Variants in MGAT5 observed in about 807,000 individuals in gnomAD.
The protein encoded by MGAT5 is alpha-1,6-mannosylglycoprotein 6-beta-N-acetylglucosaminyltransferase.
A neutral mutation model predicts 94.3 loss-of-function variants in MGAT5; 30 were observed. The observed-to-expected ratio is 0.32, with a 90% CI of 0.24 to 0.43. The LOEUF (loss-of-function observed/expected upper bound fraction) is 0.43, where lower values mean the gene tolerates loss of function less well. Ranked by LOEUF, MGAT5 falls within the 20% of genes least tolerant of loss-of-function variation. The pLI is 1.00. For missense variants in MGAT5, 691 were observed against 905.5 expected (o/e 0.76, Z 3.04); for synonymous variants, 310 against 322.9 (o/e 0.96, Z 0.43).
intron 10 of MGAT5, among the ~76,000 whole-genome samples, chr2:134,387,756 CAA>C (rs1294850970): frequency 6.6e-6 from 1 of 151,776 alleles, no homozygotes; most frequent in Non-Finnish European, 1.5e-5. Flanking sequence ...TGAAGGGGAA[CAA>C]AAAAAGACAC....
At chr2:134,186,506 C>T (rs1220655178) in intron 1 of MGAT5, among the ~76,000 whole-genome samples, 1 of 152,016 alleles carries the variant, frequency 6.6e-6, no homozygotes, top group Non-Finnish European at 1.5e-5. Flanking sequence ...GGCCTTTTTG[C>T]ATACATGTTG....
At chr2:134,242,177 G>A (rs996793415) in intron 1 of MGAT5, among the ~76,000 whole-genome samples, 1 of 152,190 alleles carries the variant, frequency 6.6e-6, no homozygotes, top group Non-Finnish European at 1.5e-5. Context: ...TTTGAGCAGT[G>A]CAAGGTGTGT....
chr2:134,129,043 C>A (rs999665044), intron 1 of MGAT5, among the ~76,000 whole-genome samples: 1 of 152,222 alleles, frequency 6.6e-6, no homozygotes, highest in African/African-American at 2.4e-5. Context: ...GTAACAGCCA[C>A]AAACTTAGCA....
chr2:134,399,295 G>A (rs774553117), intron 10 of MGAT5, among the ~76,000 whole-genome samples: 4 of 152,172 alleles, frequency 2.6e-5, no homozygotes, highest in Admixed American at 1.3e-4. Context: ...GGAGTGTTGC[G>A]TAAATTGAAT....
chr2:134,442,873 A>G (rs1685563437), intron 15 of MGAT5, among the ~76,000 whole-genome samples: 1 of 152,086 alleles, frequency 6.6e-6, no homozygotes, highest in African/African-American at 2.4e-5. Flanking sequence ...CCTACAAATA[A>G]TAAGACCCTG....
At chr2:134,347,393 C>T (rs867228304) in intron 8 of MGAT5, among the ~76,000 whole-genome samples, 11 of 152,140 alleles carry the variant, frequency 7.2e-5, no homozygotes, top group East Asian at 3.9e-4. Context: ...GTGCAAAGTC[C>T]GGGCTTTCAG....
At chr2:134,408,768 A>G (rs1683483004) in intron 11 of MGAT5, among the ~76,000 whole-genome samples, 1 of 152,238 alleles carries the variant, frequency 6.6e-6, no homozygotes, top group Non-Finnish European at 1.5e-5. Flanking sequence ...GCTACATGAA[A>G]GCATCACATT....
chr2:134,231,417 T>C (rs919744350), intron 1 of MGAT5: 9 of 152,240 alleles, frequency 5.9e-5, no homozygotes, highest in Non-Finnish European at 1.2e-4. Flanking sequence ...AAAAAGGGTT[T>C]ATAACCTAGA....
intron 4 of MGAT5, among the ~76,000 whole-genome samples, chr2:134,325,939 G>A (rs1359223216): frequency 6.6e-6 from 1 of 151,950 alleles, no homozygotes; most frequent in Non-Finnish European, 1.5e-5. Flanking sequence ...TAGCTCTGAG[G>A]TTTGATCAGA....
chr2:134,332,821 A>C (rs1190783000), intron 4 of MGAT5, among the ~76,000 whole-genome samples: 1 of 152,224 alleles, frequency 6.6e-6, no homozygotes, highest in Non-Finnish European at 1.5e-5. Flanking sequence ...GCAGCCAAAA[A>C]ACACATGAAA....
At chr2:134,156,224 C>T (rs1423320518) in intron 1 of MGAT5, among the ~76,000 whole-genome samples, 2 of 152,110 alleles carry the variant, frequency 1.3e-5, no homozygotes, top group Admixed American at 6.6e-5. Flanking sequence ...GAGACCCTTC[C>T]GAATACATTT....
At chr2:134,420,812 T>C (rs774177097) in intron 12 of MGAT5, among the ~76,000 whole-genome samples, 37 of 152,182 alleles carry the variant, frequency 2.4e-4, no homozygotes, top group Non-Finnish European at 4.4e-4. Flanking sequence ...AATAATTCTC[T>C]AACAAATATA....
chr2:134,265,042 G>C (rs1468244242), intron 1 of MGAT5, among the ~76,000 whole-genome samples: 1 of 152,176 alleles, frequency 6.6e-6, no homozygotes, highest in East Asian at 1.9e-4. Flanking sequence ...TGCAGATCCG[G>C]ATTTAGTGTG....
intron 9 of MGAT5, among the ~76,000 whole-genome samples, chr2:134,352,151 AG>A (rs575798037): frequency 1.9e-3 from 294 of 152,282 alleles, no homozygotes; most frequent in African/African-American, 6.6e-3. Flanking sequence ...GTCAGGATCT[AG>A]CAAAACCGCC....
intron 2 of MGAT5, among the ~76,000 whole-genome samples, chr2:134,297,299 T>C (rs1318783995): frequency 6.6e-6 from 1 of 152,064 alleles, no homozygotes; most frequent in East Asian, 1.9e-4. Context: ...CTCAGATGGC[T>C]TCACTGGTGA....
At chr2:134,407,561 T>C (rs1683413265) in intron 11 of MGAT5, among the ~76,000 whole-genome samples, 1 of 152,198 alleles carries the variant, frequency 6.6e-6, no homozygotes, top group Admixed American at 6.5e-5. Flanking sequence ...TCCAGTCTCA[T>C]AGTATTTATT....
intron 4 of MGAT5, among the ~76,000 whole-genome samples, chr2:134,322,528 G>A (rs926770657): frequency 3.9e-5 from 6 of 152,128 alleles, no homozygotes; most frequent in Admixed American, 6.6e-5. Flanking sequence ...GGTCATTTCT[G>A]GACATGATAC....
intron 8 of MGAT5, among the ~76,000 whole-genome samples, chr2:134,345,718 A>T (rs1380180766): frequency 6.6e-6 from 1 of 152,292 alleles, no homozygotes; most frequent in African/African-American, 2.4e-5. Context: ...ATTTTCTTTC[A>T]GTCTTTTTGA....
At chr2:134,397,571 T>TA (rs1682791844) in intron 10 of MGAT5, among the ~76,000 whole-genome samples, 2 of 152,306 alleles carry the variant, frequency 1.3e-5, no homozygotes, top group South Asian at 4.1e-4. Context: ...GTTCACCTCA[T>TA]AGATTTCTAA....
Sources: allele counts gnomAD v4.1 joint callset (sites outside exome capture counted in the v4.1 genomes callset), GRCh38; gene constraint gnomAD v4.1.1; transcripts MANE v1.5; gene names NCBI Gene and HGNC (gene_info 2026-07-23, HGNC 2026-07-21).